The following XPR1 variants were observed in gnomAD, a reference collection of about 807,000 sequenced individuals.
XPR1 encodes solute carrier family 53 member 1.
Under a neutral mutation model 87.5 loss-of-function variants are expected in XPR1, and 28 were observed. The ratio of observed to expected loss-of-function variants is 0.32; its 90% CI spans 0.24 to 0.44. XPR1 has a LOEUF of 0.44. Ranked by LOEUF, XPR1 falls within the 20% of genes least tolerant of loss-of-function variation. The pLI is 1.00. For missense variants in XPR1, 559 were observed against 862.3 expected, an observed-to-expected ratio of 0.65 and a Z score of 4.41; for synonymous variants, 300 against 306.1, an observed-to-expected ratio of 0.98 and a Z score of 0.21.
intron 2 of XPR1, among the ~76,000 whole-genome samples, chr1:180,749,970 G>C (rs1647459542): frequency 6.6e-6 from 1 of 152,112 alleles, no homozygotes; most frequent in Non-Finnish European, 1.5e-5. Flanking sequence ...TGCTGGGTCA[G>C]ATCTAAAAAT....
chr1:180,754,090 A>G (rs1012900090), intron 2 of XPR1, among the ~76,000 whole-genome samples: 10 of 152,182 alleles, frequency 6.6e-5, no homozygotes, highest in Non-Finnish European at 1.2e-4. Context: ...TTCAACTATC[A>G]TATCACCTAG....
At chr1:180,758,376 T>C (rs1318701869) in intron 2 of XPR1, among the ~76,000 whole-genome samples, 1 of 152,072 alleles carries the variant, frequency 6.6e-6, no homozygotes, top group Non-Finnish European at 1.5e-5. Flanking sequence ...AAATAAATAA[T>C]ATAAAAGTAT....
intron 8 of XPR1, 97 bp from the exon 9 acceptor site, chr1:180,825,068 G>C: frequency 6.7e-7 from 1 of 1,500,462 alleles, no homozygotes. Context: ...AACTAATCAT[G>C]TTTCTTACTT....
chr1:180,789,116 A>G (rs1463534946), intron 3 of XPR1, among the ~76,000 whole-genome samples: 1 of 152,212 alleles, frequency 6.6e-6, no homozygotes, highest in Non-Finnish European at 1.5e-5. Context: ...TCTCTTAGCT[A>G]TCATTGTTCT....
At chr1:180,790,328 T>C (rs1649324825) in intron 3 of XPR1, among the ~76,000 whole-genome samples, 1 of 152,070 alleles carries the variant, frequency 6.6e-6, no homozygotes. Context: ...TTTATACCAA[T>C]TCAATCTCCT....
chr1:180,721,589 C>T (rs1184435188), intron 2 of XPR1, among the ~76,000 whole-genome samples: 1 of 152,174 alleles, frequency 6.6e-6, no homozygotes, highest in Non-Finnish European at 1.5e-5. Context: ...ACATGTCTTT[C>T]TAAAATTTAC....
rs141078058 is a variant in XPR1, at chr1:180,681,174, A to G, written c.70-1186A>G. Among the ~76,000 whole-genome samples the G allele has an allele frequency of 1.2e-4, 18 of 152,338 alleles. No individual in the cohort carries two copies. The East Asian group carries it at 1.7e-3, about 15-fold the overall frequency. ...CACTGTAGGCTGACTATAGTTAACA[A>G]TAGTATATAGTTTCAAATACCTAGA... On this transcript the variant is annotated intron_variant, in intron 1 of 14. Coordinates refer to ENST00000367590, the MANE Select transcript of XPR1 (RefSeq NM_004736.4).
chr1:180,714,268 A>G (rs1256393095), intron 2 of XPR1, among the ~76,000 whole-genome samples: 1 of 150,692 alleles, frequency 6.6e-6, no homozygotes, highest in Non-Finnish European at 1.5e-5. Context: ...CTCTAGCATC[A>G]TCATTATCAG....
chr1:180,885,776 G>A lies in XPR1; in HGVS notation c.*1710G>A, dbSNP rs1652989440. ...CGCTTAGTCAAAACATTCGGTTACT[G>A]CCCTTTAATACACTCCTATCATCAG... On this transcript the variant is annotated 3_prime_UTR_variant, in exon 15 of 15. Transcript: ENST00000367590. 1 of 152,188 alleles carries A rather than the reference G, an allele frequency of 6.6e-6. No homozygotes were observed. The highest frequency in any genetic ancestry group is 1.5e-5 in the Non-Finnish European group (1 of 68,038). The allele number at this position is 152,188 out of a possible 1,614,324, so 9.4% of individuals were successfully genotyped here.
At chr1:180,717,921 C>A (rs1658053069) in intron 2 of XPR1, among the ~76,000 whole-genome samples, 1 of 151,998 alleles carries the variant, frequency 6.6e-6, no homozygotes, top group Admixed American at 6.5e-5. Flanking sequence ...ATTACTTTTG[C>A]ACCAACCCAA....
intron 4 of XPR1, among the ~76,000 whole-genome samples, chr1:180,804,125 A>T (rs1649897492): frequency 2.6e-5 from 4 of 152,100 alleles, no homozygotes. Flanking sequence ...AGCTGGGATT[A>T]CAGGCGCACG....
chr1:180,647,729 A>G (rs112862230), intron 1 of XPR1, among the ~76,000 whole-genome samples: 3,106 of 151,956 alleles, frequency 0.02, 108 homozygotes, highest in African/African-American at 0.071. Context: ...GTGAAACCCC[A>G]TCTCTACTGA....
intron 9 of XPR1, 66 bp from the exon 10 acceptor site, chr1:180,834,808 A>G: frequency 6.6e-7 from 1 of 1,507,028 alleles, no homozygotes; most frequent in South Asian, 1.3e-5. Context: ...ATGGTCAGAC[A>G]TGAAATGGAG....
chr1:180,733,064 G>A (rs548595025), intron 2 of XPR1, among the ~76,000 whole-genome samples: 4 of 152,270 alleles, frequency 2.6e-5, no homozygotes, highest in African/African-American at 7.2e-5. Flanking sequence ...CATTCCTCTC[G>A]ACGTCCAGCC....
intron 4 of XPR1, among the ~76,000 whole-genome samples, chr1:180,804,642 T>C (rs1036254081): frequency 1.3e-5 from 2 of 152,184 alleles, no homozygotes; most frequent in African/African-American, 2.4e-5. Context: ...TAAAAAGTAG[T>C]TAAAGTCCCA....
chr1:180,741,931 A>G (rs1404921262), intron 2 of XPR1, among the ~76,000 whole-genome samples: 2 of 152,204 alleles, frequency 1.3e-5, no homozygotes, highest in African/African-American at 2.4e-5. Flanking sequence ...ATGTATGCAC[A>G]TGGAGTTGTT....
At chr1:180,749,604 G>A (rs1387839449) in intron 2 of XPR1, among the ~76,000 whole-genome samples, 2 of 144,124 alleles carry the variant, frequency 1.4e-5, no homozygotes, top group East Asian at 4.0e-4. Context: ...TGTACATCCT[G>A]TATATCAGTA....
At chr1:180,674,669 C>T (rs1444755886) in intron 1 of XPR1, among the ~76,000 whole-genome samples, 1 of 152,056 alleles carries the variant, frequency 6.6e-6, no homozygotes, top group Non-Finnish European at 1.5e-5. Flanking sequence ...GCTGGGCCTT[C>T]AAATACATAC....
chr1:180,807,792 G>T (rs1029629973), intron 6 of XPR1, among the ~76,000 whole-genome samples: 3 of 152,042 alleles, frequency 2.0e-5, no homozygotes, highest in Non-Finnish European at 4.4e-5. Flanking sequence ...ATCACTTGAG[G>T]CCAGGAGTTC....
Sources: allele counts gnomAD v4.1 joint callset (sites outside exome capture counted in the v4.1 genomes callset), GRCh38; gene constraint gnomAD v4.1.1; transcripts MANE v1.5; gene names NCBI Gene and HGNC (gene_info 2026-07-23, HGNC 2026-07-21).